EPS15: variants seen among roughly 807,000 people sequenced by gnomAD.
The protein encoded by EPS15 is epidermal growth factor receptor pathway substrate 15.
A neutral mutation model predicts 113.8 loss-of-function variants in EPS15; 72 were observed. The ratio of observed to expected loss-of-function variants is 0.63; its 90% CI spans 0.52 to 0.77. The LOEUF is 0.77. Among genes scored for constraint, EPS15 ranks in the 30% least tolerant of loss-of-function variants. The pLI is 0.00. For synonymous variants in EPS15, 344 were observed against 363.4 expected (o/e 0.95, Z 0.61); for missense variants, 1,048 against 1,045.8 (o/e 1.00, Z -0.03).
rs371217115 is a variant in EPS15 at position 51,465,344 on chromosome 1, G to C, written c.310-18C>G. The C allele has an allele frequency of 6.4e-6, 10 of 1,570,010 alleles. No individual in the cohort carries two copies. In the African/African-American group the frequency reaches 1.1e-4, roughly 17 times the overall value. On this transcript the variant is annotated intron_variant, in intron 5 of 24. Transcript: ENST00000371733. ...GTATCATGCTATAGAAGAAAGTAAA[G>C]CACAACAAGAGTTGAAATTCTCACA...
At chr1:51,357,426 A>ATATTTTTT (rs1443627608) in intron 24 of EPS15, among the ~76,000 whole-genome samples, 9 of 53,524 alleles carry the variant, frequency 1.7e-4, no homozygotes, top group African/African-American at 8.7e-4. Flanking sequence ...ATATATATAT[A>ATATTTTTT]TTTTTTTTTT....
intron 13 of EPS15, among the ~76,000 whole-genome samples, chr1:51,415,685 A>T (rs111307188): frequency 1.3e-5 from 2 of 150,914 alleles, no homozygotes; most frequent in Non-Finnish European, 3.0e-5. Flanking sequence ...AATCCCAGCT[A>T]CTTGGGAGGC....
intron 22 of EPS15, among the ~76,000 whole-genome samples, chr1:51,365,257 C>G (rs947081906): frequency 5.9e-5 from 9 of 152,208 alleles, no homozygotes; most frequent in African/African-American, 2.2e-4. Flanking sequence ...ATTGACATTT[C>G]AGGCTGGACG....
intron 21 of EPS15, chr1:51,372,890 C>A: frequency 1.3e-6 from 1 of 787,988 alleles, no homozygotes; most frequent in Non-Finnish European, 1.8e-6. Context: ...CAGGAGCTAC[C>A]TGGAAAAAAC....
chr1:51,493,357 T>C (rs1378937296), intron 1 of EPS15, among the ~76,000 whole-genome samples: 14 of 131,174 alleles, frequency 1.1e-4, no homozygotes, highest in Non-Finnish European at 2.2e-4. Context: ...CGAGACTCCA[T>C]CCTCCAAAAA....
intron 24 of EPS15, among the ~76,000 whole-genome samples, chr1:51,360,587 T>C (rs370060801): frequency 6.6e-6 from 1 of 152,198 alleles, no homozygotes; most frequent in African/African-American, 2.4e-5. Context: ...CAAATAAAGA[T>C]TGTTTAAATC....
At chr1:51,456,064 C>T (rs2148493172) in intron 8 of EPS15, among the ~76,000 whole-genome samples, 1 of 152,160 alleles carries the variant, frequency 6.6e-6, no homozygotes, top group African/African-American at 2.4e-5. Context: ...GGCCATTCAT[C>T]AAAGGTTCAC....
chr1:51,362,438 T>C (rs1046717454), intron 23 of EPS15, among the ~76,000 whole-genome samples: 2 of 152,214 alleles, frequency 1.3e-5, no homozygotes, highest in African/African-American at 4.8e-5. Flanking sequence ...TGGATGAAGA[T>C]TCTTAGATTG....
chr1:51,499,269 A>AC, intron 1 of EPS15, among the ~76,000 whole-genome samples: 1 of 152,288 alleles, frequency 6.6e-6, no homozygotes, highest in Admixed American at 6.5e-5. Context: ...TGTTTGGCTT[A>AC]TTTCATTTCA....
chr1:51,405,669 G>C (rs961725976), intron 16 of EPS15, among the ~76,000 whole-genome samples: 18 of 151,230 alleles, frequency 1.2e-4, no homozygotes, highest in Admixed American at 9.3e-4. Flanking sequence ...CTGCACTCCA[G>C]CCTGGGCAAC....
At chr1:51,427,350 T>C (rs780213530) in intron 12 of EPS15, among the ~76,000 whole-genome samples, 6 of 152,216 alleles carry the variant, frequency 3.9e-5, no homozygotes, top group Non-Finnish European at 8.8e-5. Flanking sequence ...TCCTATTACA[T>C]ACTTGTCACT....
intron 18 of EPS15, 48 bp from the exon 19 acceptor site, chr1:51,401,001 G>T: frequency 8.1e-7 from 1 of 1,234,698 alleles, no homozygotes; most frequent in Non-Finnish European, 1.2e-6. Flanking sequence ...TATTTACTGT[G>T]GTGACACCAC....
intron 13 of EPS15, among the ~76,000 whole-genome samples, chr1:51,416,044 A>T (rs1230733358): frequency 6.6e-6 from 1 of 151,984 alleles, no homozygotes; most frequent in African/African-American, 2.4e-5. Flanking sequence ...TTTGGTACAG[A>T]TTGCTTATCC....
chr1:51,439,536 A>C (rs1047882495), intron 12 of EPS15, among the ~76,000 whole-genome samples: 2 of 152,126 alleles, frequency 1.3e-5, no homozygotes, highest in African/African-American at 2.4e-5. Flanking sequence ...GTAGACAGAA[A>C]AATTATCTCA....
At chr1:51,421,882 A>G in intron 12 of EPS15, 24 bp from the exon 13 acceptor site, 2 of 1,610,798 alleles carry the variant, frequency 1.2e-6, no homozygotes, top group Non-Finnish European at 1.7e-6. Context: ...AAACAATGCA[A>G]GAATATTTTA....
intron 21 of EPS15, among the ~76,000 whole-genome samples, chr1:51,383,575 A>ATGC (rs1358437334): frequency 2.0e-5 from 3 of 152,214 alleles, no homozygotes; most frequent in Non-Finnish European, 4.4e-5. Context: ...TGAGAATCTA[A>ATGC]TGCTGCTGCT....
intron 12 of EPS15, chr1:51,423,874 G>A (rs1271134990): frequency 4.4e-6 from 1 of 226,346 alleles, no homozygotes; most frequent in Admixed American, 6.5e-5. Flanking sequence ...CTATGTTTGG[G>A]TAAAATGGAG....
At chr1:51,440,018 C>T (rs1652459380) in intron 12 of EPS15, among the ~76,000 whole-genome samples, 2 of 151,754 alleles carry the variant, frequency 1.3e-5, no homozygotes, top group Non-Finnish European at 1.5e-5. Flanking sequence ...TACGTTTTTT[C>T]GCATTTTTCT....
At chr1:51,357,799 G>A (rs1022215999) in intron 24 of EPS15, among the ~76,000 whole-genome samples, 1 of 150,382 alleles carries the variant, frequency 6.6e-6, no homozygotes, top group Admixed American at 6.6e-5. Flanking sequence ...GGGTGCTATG[G>A]AGCAATCTTG....
Sources: allele counts gnomAD v4.1 joint callset (sites outside exome capture counted in the v4.1 genomes callset), GRCh38; gene constraint gnomAD v4.1.1; transcripts MANE v1.5; gene names NCBI Gene and HGNC (gene_info 2026-07-23, HGNC 2026-07-21).